APBB1IP: variants seen among roughly 807,000 people sequenced by gnomAD.
APBB1IP encodes the protein amyloid beta precursor protein binding family B member 1 interacting protein, also known as amyloid beta A4 precursor protein-binding family B member 1-interacting protein.
A neutral mutation model predicts 64.9 loss-of-function variants in APBB1IP; 27 were observed. The observed-to-expected ratio is 0.42, with a 90% confidence interval of 0.31 to 0.57. APBB1IP has a LOEUF of 0.57. APBB1IP is among the 20% of genes least tolerant of loss of function. The probability of loss-of-function intolerance (pLI) is 0.20; values close to 1 mark genes in which losing one functional copy is unlikely to be tolerated. For missense variants in APBB1IP, 812 were observed against 845.5 expected, an observed-to-expected ratio of 0.96 and a Z score of 0.49; for synonymous variants, 392 against 331.0, an observed-to-expected ratio of 1.18 and a Z score of -2.00.
Position 26,453,734 on chromosome 10 carries a change from C to T in APBB1IP, c.-1+14881C>T, listed in dbSNP as rs544172363. ...GGCCAATAAGCACAGGAAAAAAATG[C>T]TCAACGTCACTAGTCATAAAGGAAA... On this transcript the variant is annotated intron_variant, in intron 2 of 14. Coordinates refer to ENST00000376236, the MANE Select transcript of APBB1IP (RefSeq NM_019043.4). Among the ~76,000 whole-genome samples the T allele has an allele frequency of 2.0e-5, 3 of 152,226 alleles. No individual in the cohort carries two copies. In the East Asian group the frequency reaches 5.8e-4, roughly 29 times the overall value.
At chr10:26,470,888 C>A (rs533328336) in intron 2 of APBB1IP, among the ~76,000 whole-genome samples, 2 of 152,080 alleles carry the variant, frequency 1.3e-5, no homozygotes, top group South Asian at 2.1e-4. Context: ...CCTCAGCCTG[C>A]GTCCTTGCCC....
chr10:26,517,552 G>A (rs552749623), intron 8 of APBB1IP, among the ~76,000 whole-genome samples: 20 of 152,286 alleles, frequency 1.3e-4, no homozygotes, highest in South Asian at 2.1e-4. Context: ...TAAGCCTCCC[G>A]CCTCAGCCAC....
At chr10:26,470,929 A>G (rs751188284) in intron 2 of APBB1IP, among the ~76,000 whole-genome samples, 6 of 152,132 alleles carry the variant, frequency 3.9e-5, no homozygotes, top group Non-Finnish European at 8.8e-5. Context: ...GGGTAGCTCC[A>G]TGATTACTGC....
At chr10:26,451,071 C>A (rs145708847) in intron 2 of APBB1IP, among the ~76,000 whole-genome samples, 1 of 151,606 alleles carries the variant, frequency 6.6e-6, no homozygotes, top group Non-Finnish European at 1.5e-5. Context: ...TGGCAAAATA[C>A]ACAGGACGTT....
chr10:26,527,750 T>A (rs1188259669), intron 8 of APBB1IP, among the ~76,000 whole-genome samples: 1 of 139,926 alleles, frequency 7.1e-6, no homozygotes, highest in Non-Finnish European at 1.5e-5. Context: ...TGGAGTGCAA[T>A]GGCACGATCT....
At chr10:26,482,420 T>C (rs752038512) in intron 2 of APBB1IP, among the ~76,000 whole-genome samples, 6 of 152,192 alleles carry the variant, frequency 3.9e-5, no homozygotes, top group Non-Finnish European at 7.3e-5. Context: ...AACGCTTTCA[T>C]TGCATTTTGA....
chr10:26,520,018 T>G (rs1370511892), intron 8 of APBB1IP, among the ~76,000 whole-genome samples: 1 of 152,230 alleles, frequency 6.6e-6, no homozygotes, highest in Admixed American at 6.5e-5. Context: ...GCACAGTGGC[T>G]CGTGCCTGTA....
chr10:26,497,788 G>A (rs931602072), intron 4 of APBB1IP, among the ~76,000 whole-genome samples: 2 of 145,254 alleles, frequency 1.4e-5, no homozygotes, highest in African/African-American at 2.5e-5. Flanking sequence ...GTGCAGTGGC[G>A]GGATCTCTGC....
intron 6 of APBB1IP, among the ~76,000 whole-genome samples, chr10:26,508,707 T>C (rs1386361238): frequency 6.6e-6 from 1 of 152,130 alleles, no homozygotes; most frequent in African/African-American, 2.4e-5. Context: ...TAAATATAAT[T>C]TCTTCTTGCT....
Position 26,541,602 on chromosome 10 carries a change from T to A in APBB1IP, c.1065T>A (p.Cys355Ter). The change falls in exon 11 of 15, where the codon TGT (cysteine) becomes TGA (stop). Residue 355 changes from cysteine (C) to a stop codon, truncating the protein, a stop_gained. Coordinates refer to ENST00000376236, the MANE Select transcript of APBB1IP (RefSeq NM_019043.4). LOFTEE classifies it high-confidence loss of function. ...GKTKTSRDLACFIQFENVNIY... is the reference protein window; with the variant it reads ...GKTKTSRDLA ...TTCAGACATCTCGAGATCTGGCGTG[T>A]TTTATACAGTTTGAAAATGTCAACA... 6.2e-7 allele frequency: 1 copy of A among 1,611,320 alleles called. No individual in the cohort carries two copies. Among genetic ancestry groups the A allele is most frequent in the Non-Finnish European group, 8.5e-7 (1 of 1,179,092 alleles).
chr10:26,477,287 A>G (rs571152753), intron 2 of APBB1IP, among the ~76,000 whole-genome samples: 1 of 152,184 alleles, frequency 6.6e-6, no homozygotes, highest in Non-Finnish European at 1.5e-5. Flanking sequence ...AAGTTTGATC[A>G]TTTGGTTAAA....
At chr10:26,515,709 T>C (rs11015146) in intron 8 of APBB1IP, among the ~76,000 whole-genome samples, 25,171 of 152,194 alleles carry the variant, frequency 0.17, 2,219 homozygotes, top group East Asian at 0.24. Context: ...AGATTAGCCA[T>C]GGTGGGAGAG....
chr10:26,455,037 G>T (rs1589191174), intron 2 of APBB1IP, among the ~76,000 whole-genome samples: 1 of 152,230 alleles, frequency 6.6e-6, no homozygotes. Flanking sequence ...CTGCTCAGAG[G>T]CTGTCTCTGC....
At chr10:26,477,940 G>A (rs1835793878) in intron 2 of APBB1IP, among the ~76,000 whole-genome samples, 1 of 152,142 alleles carries the variant, frequency 6.6e-6, no homozygotes, top group Non-Finnish European at 1.5e-5. Context: ...GCCCAGGCTG[G>A]TAGTTTTTTA....
At chr10:26,493,667 G>A (rs1392812967) in intron 3 of APBB1IP, among the ~76,000 whole-genome samples, 1 of 152,074 alleles carries the variant, frequency 6.6e-6, no homozygotes, top group Non-Finnish European at 1.5e-5. Flanking sequence ...ATTCTTTTGA[G>A]TTCAGTTAAT....
chr10:26,459,020 T>A (rs1835558838), intron 2 of APBB1IP, among the ~76,000 whole-genome samples: 1 of 151,654 alleles, frequency 6.6e-6, no homozygotes, highest in African/African-American at 2.4e-5. Flanking sequence ...ACATGTGCCA[T>A]GCTGGTGTGC....
chr10:26,500,791 A>G, intron 4 of APBB1IP, 28 bp from the exon 5 acceptor site: 1 of 1,580,204 alleles, frequency 6.3e-7, no homozygotes, highest in Non-Finnish European at 8.6e-7. Context: ...ATAGGTTTTT[A>G]TACCATTAAT....
chr10:26,520,751 T>A (rs960346851), intron 8 of APBB1IP, among the ~76,000 whole-genome samples: 1 of 152,152 alleles, frequency 6.6e-6, no homozygotes, highest in African/African-American at 2.4e-5. Context: ...TGACAACACT[T>A]AAATTCACTT....
At chr10:26,499,392 C>T (rs911195127) in intron 4 of APBB1IP, among the ~76,000 whole-genome samples, 7 of 152,136 alleles carry the variant, frequency 4.6e-5, no homozygotes, top group African/African-American at 1.7e-4. Context: ...TTAGGAAACC[C>T]AAACTTTAGT....
Sources: gnomAD v4.1 joint callset for allele counts (sites outside exome capture counted in the v4.1 genomes callset) on GRCh38, gnomAD v4.1.1 for gene constraint, MANE v1.5 for transcripts, NCBI Gene and HGNC (gene_info 2026-07-23, HGNC 2026-07-21) for gene names.